The following TBC1D22A variants were observed in gnomAD, a reference collection of about 807,000 sequenced individuals.
The protein encoded by TBC1D22A is putative GTPase activator.
Under a neutral mutation model 60.2 loss-of-function variants are expected in TBC1D22A, and 38 were observed. The ratio of observed to expected loss-of-function variants is 0.63; its 90% CI spans 0.49 to 0.83. The LOEUF is 0.83. TBC1D22A is among the 40% of genes least tolerant of loss of function. The pLI is 0.00. For missense variants in TBC1D22A, 628 were observed against 701.0 expected, an observed-to-expected ratio of 0.90 and a Z score of 1.18; for synonymous variants, 302 against 281.7, an observed-to-expected ratio of 1.07 and a Z score of -0.72.
intron 8 of TBC1D22A, among the ~76,000 whole-genome samples, chr22:46,960,593 C>T (rs1382612104): frequency 6.6e-6 from 1 of 152,102 alleles, no homozygotes; most frequent in African/African-American, 2.4e-5. Flanking sequence ...TGGCAGTGTC[C>T]CCAACCAGGC....
At chr22:46,794,769 CG>C (rs1468609108) in intron 3 of TBC1D22A, among the ~76,000 whole-genome samples, 10 of 151,824 alleles carry the variant, frequency 6.6e-5, no homozygotes, top group African/African-American at 1.9e-4. Flanking sequence ...TCATCTGAAA[CG>C]GGGAGGTCAG....
At chr22:47,013,965 C>A (rs564922694) in intron 10 of TBC1D22A, among the ~76,000 whole-genome samples, 2 of 152,224 alleles carry the variant, frequency 1.3e-5, no homozygotes, top group African/African-American at 2.4e-5. Flanking sequence ...CAGAGACCCT[C>A]GGTTTGACCC....
intron 11 of TBC1D22A, among the ~76,000 whole-genome samples, chr22:47,097,990 C>T (rs2065250308): frequency 6.6e-6 from 1 of 151,814 alleles, no homozygotes; most frequent in African/African-American, 2.4e-5. Context: ...TGCTACTGTG[C>T]AGCTGTCCTT....
At chr22:46,955,218 TTGAAG>T (rs548100560) in intron 8 of TBC1D22A, among the ~76,000 whole-genome samples, 31 of 152,372 alleles carry the variant, frequency 2.0e-4, no homozygotes, top group Admixed American at 8.5e-4. Context: ...TGATTTGTTA[TTGAAG>T]TGGTTTGTTA....
intron 1 of TBC1D22A, among the ~76,000 whole-genome samples, chr22:46,778,586 C>T (rs970669700): frequency 1.8e-4 from 27 of 152,092 alleles, no homozygotes; most frequent in African/African-American, 6.0e-4. Flanking sequence ...GGAAGGTCTT[C>T]GGGGGCAATA....
intron 4 of TBC1D22A, among the ~76,000 whole-genome samples, chr22:46,842,009 C>T (rs2086792905): frequency 6.6e-6 from 1 of 152,204 alleles, no homozygotes; most frequent in Non-Finnish European, 1.5e-5. Context: ...AAAAAAATTG[C>T]ATCCAGATAT....
chr22:46,831,843 C>A (rs898163699), intron 4 of TBC1D22A, among the ~76,000 whole-genome samples: 1 of 152,170 alleles, frequency 6.6e-6, no homozygotes, highest in Non-Finnish European at 1.5e-5. Context: ...GATAGATCAT[C>A]GTGGCGAAGT....
At chr22:46,868,933 A>G (rs1370888332) in intron 4 of TBC1D22A, among the ~76,000 whole-genome samples, 1 of 102,224 alleles carries the variant, frequency 9.8e-6, no homozygotes, top group Non-Finnish European at 1.8e-5. Flanking sequence ...CTGTGTGGGT[A>G]GGAGTAGGTG....
Position 46,885,660 on chromosome 22 carries a change from T to C in TBC1D22A, c.709-5606T>C, listed in dbSNP as rs1044184387. The stretch of plus-strand genomic sequence containing the variant: ...GGCTTGAACTTGAAGTAGAAGCTTG[T>C]TTCACTCAGGTCTGGCTGTCACTGC... On this transcript the variant is annotated intron_variant, in intron 5 of 12. Transcript: ENST00000337137. Among the ~76,000 whole-genome samples the C allele has an allele frequency of 2.6e-5, 4 of 152,100 alleles. No homozygotes were observed. The East Asian group carries it at 5.8e-4, about 22-fold the overall frequency.
chr22:46,914,460 G>A (rs1602460671), intron 8 of TBC1D22A: 5 of 151,526 alleles, frequency 3.3e-5, no homozygotes, highest in South Asian at 2.1e-4. Context: ...AAAGAAGTTC[G>A]GTCCTGGATT....
At position 46,841,081 on chromosome 22, in the gene TBC1D22A, A is replaced by T. The variant is rs552451403; in HGVS notation, c.638-37572A>T. On this transcript the variant is annotated intron_variant, in intron 4 of 12. Coordinates refer to ENST00000337137, the MANE Select transcript of TBC1D22A (RefSeq NM_014346.5). ...GTGTGTGTGTGTGTGTGTGAGAGAGAGAGAGAGAGAAAGAGAGAGAGAGAA... is the reference window on the plus strand; with the variant it reads ...GTGTGTGTGTGTGTGTGTGAGAGAGTGAGAGAGAGAAAGAGAGAGAGAGAA... Among the ~76,000 whole-genome samples, 302 of 135,692 alleles carry T rather than the reference A, an allele frequency of 2.2e-3. 2 individuals are homozygous for T. Among genetic ancestry groups the T allele is most frequent in the African/African-American group, 7.8e-3 (279 of 35,714 alleles). 89.0% of individuals were successfully genotyped at this position (135,692 alleles called of 152,430 possible). A position where few individuals can be genotyped will look rare whatever the true frequency, so the allele number is the denominator to read the frequency against.
At chr22:47,157,388 A>C (rs986692751) in intron 12 of TBC1D22A, among the ~76,000 whole-genome samples, 1 of 152,110 alleles carries the variant, frequency 6.6e-6, no homozygotes, top group Non-Finnish European at 1.5e-5. Flanking sequence ...CGCACACGTT[A>C]TCTCTCATTA....
At chr22:47,060,868 C>T (rs190227966) in intron 11 of TBC1D22A, among the ~76,000 whole-genome samples, 59 of 152,328 alleles carry the variant, frequency 3.9e-4, no homozygotes, top group Admixed American at 1.1e-3. Context: ...AGCGCCATGC[C>T]GCTCGACTCC....
At chr22:46,835,725 C>T (rs1425686673) in intron 4 of TBC1D22A, among the ~76,000 whole-genome samples, 1 of 152,082 alleles carries the variant, frequency 6.6e-6, no homozygotes, top group Non-Finnish European at 1.5e-5. Context: ...TAGCCAGACT[C>T]AAGAAGCCCA....
intron 11 of TBC1D22A, among the ~76,000 whole-genome samples, chr22:47,105,157 A>T (rs981834634): frequency 8.7e-5 from 13 of 149,114 alleles, no homozygotes; most frequent in Middle Eastern, 7.0e-3. Flanking sequence ...ATAATATCAT[A>T]AAAAAAAAAC....
intron 12 of TBC1D22A, among the ~76,000 whole-genome samples, chr22:47,166,085 T>A (rs561083366): frequency 7.1e-4 from 108 of 152,288 alleles, no homozygotes; most frequent in Non-Finnish European, 1.3e-3. Context: ...TTGAGTAGCT[T>A]TTAAGTGGAC....
At chr22:47,089,153 T>G (rs955412953) in intron 11 of TBC1D22A, among the ~76,000 whole-genome samples, 1 of 152,154 alleles carries the variant, frequency 6.6e-6, no homozygotes, top group Non-Finnish European at 1.5e-5. Flanking sequence ...ATTTGGAGAC[T>G]GATGAGAACA....
intron 11 of TBC1D22A, among the ~76,000 whole-genome samples, chr22:47,063,920 C>T (rs953735479): frequency 1.3e-5 from 2 of 151,616 alleles, no homozygotes; most frequent in African/African-American, 4.9e-5. Context: ...GGACACCCAT[C>T]GTTGGATCAG....
In TBC1D22A at chr22:46,941,375, AGAATATATATACG is replaced by A. The variant is rs1315774408; in HGVS notation, c.1015+29200_1015+29212del. Among the ~76,000 whole-genome samples the A allele has an allele frequency of 2.2e-4, 32 of 143,628 alleles. 3 individuals carry two copies. The highest frequency in any genetic ancestry group is 3.0e-4 in the Non-Finnish European group (19 of 64,368). 94.2% of individuals were successfully genotyped at this position (143,628 alleles called of 152,430 possible). On this transcript the variant is annotated intron_variant, in intron 8 of 12. Transcript: ENST00000337137. ...GAATATATATACAGAATATATATAC[AGAATATATATACG>A]GAATATATATACACAGAATATATAT...
Sources: allele counts gnomAD v4.1 joint callset (sites outside exome capture counted in the v4.1 genomes callset), GRCh38; gene constraint gnomAD v4.1.1; transcripts MANE v1.5; gene names NCBI Gene and HGNC (gene_info 2026-07-23, HGNC 2026-07-21).